Variants in CAMTA1 observed in about 807,000 individuals in gnomAD.
CAMTA1 encodes the protein calmodulin-binding transcription activator 1.
A neutral mutation model predicts 170.9 loss-of-function variants in CAMTA1; 27 were observed. The observed-to-expected ratio is 0.16, with a 90% CI of 0.12 to 0.22. CAMTA1 has a LOEUF of 0.22. Among genes scored for constraint, CAMTA1 ranks in the 10% least tolerant of loss-of-function variants. CAMTA1 has a pLI of 1.00. For synonymous variants in CAMTA1, 833 were observed against 891.5 expected, an observed-to-expected ratio of 0.93 and a Z score of 1.17; for missense variants, 1,619 against 2,217.2, an observed-to-expected ratio of 0.73 and a Z score of 5.42.
chr1:6,860,226 G>A (rs1664148909), intron 3 of CAMTA1, among the ~76,000 whole-genome samples: 1 of 152,096 alleles, frequency 6.6e-6, no homozygotes, highest in Non-Finnish European at 1.5e-5. Flanking sequence ...TGGCCTTGAT[G>A]GCATGTGTAC....
rs192861824 is a variant in CAMTA1, at chr1:7,681,306, A to G, written c.2914+3573A>G. Among the ~76,000 whole-genome samples, 11 of 152,334 alleles carry G rather than the reference A, an allele frequency of 7.2e-5. No homozygotes were observed. The East Asian group carries it at 1.9e-3, about 27-fold the overall frequency. On this transcript the variant is annotated intron_variant, in intron 11 of 22. Transcript: ENST00000303635. This position sits in a 1 kb window ranked among gnomAD's most constrained non-coding sequence, Gnocchi z 4.6. ...GCAGGAGGGACTGTCAAAAAGCTGA[A>G]TCCAACTAGTGGTAAGGAAGGTTTC...
In CAMTA1 at chr1:7,688,440, C is replaced by T. The variant is rs367873832; in HGVS notation, c.2914+10707C>T. On this transcript the variant is annotated intron_variant, in intron 11 of 22. Transcript: ENST00000303635. ...AGGGAATCTGGCTGGTCCAGGCCAGCAATGGGCTGACATCCTTAGCCTTTA... is the reference window on the plus strand; with the variant it reads ...AGGGAATCTGGCTGGTCCAGGCCAGTAATGGGCTGACATCCTTAGCCTTTA... 1.1e-4 allele frequency among the ~76,000 whole-genome samples: 16 copies of T among 152,140 alleles called. No homozygotes were observed. In the East Asian group the frequency reaches 2.5e-3, roughly 24 times the overall value.
rs58700688 is a variant in CAMTA1, at chr1:7,661,028, A to G, written c.665-698A>G. 3.3e-3 allele frequency among the ~76,000 whole-genome samples: 510 copies of G among 152,348 alleles called. 4 individuals are homozygous for G. The highest frequency in any genetic ancestry group is 0.012 in the African/African-American group (496 of 41,580). On this transcript the variant is annotated intron_variant, in intron 7 of 22. Transcript: ENST00000303635. Reference sequence around the variant, plus strand: ...CCCAATCCCAACTCCAGGAACTGCAAAAGTGCAGGGAGGAAGGTTGAGCCC... The same window carrying G: ...CCCAATCCCAACTCCAGGAACTGCAGAAGTGCAGGGAGGAAGGTTGAGCCC...
intron 7 of CAMTA1, among the ~76,000 whole-genome samples, chr1:7,656,076 C>T (rs1222897248): frequency 6.6e-6 from 1 of 152,238 alleles, no homozygotes; most frequent in Non-Finnish European, 1.5e-5. Flanking sequence ...TCACCAGGCA[C>T]TGGCAGCTTG....
intron 6 of CAMTA1, among the ~76,000 whole-genome samples, chr1:7,632,118 C>T (rs936566214): frequency 6.6e-6 from 1 of 152,232 alleles, no homozygotes; most frequent in Admixed American, 6.5e-5. Flanking sequence ...CTCCTACCCT[C>T]GTTGTTCATT....
rs1553247058 is a variant in CAMTA1 at position 7,680,842 on chromosome 1, A to ACGCGCGCGCGCGCG, written c.2914+3115_2914+3128dup. The stretch of plus-strand genomic sequence containing the variant: ...GGCGTGGGTCCGGGGCGCAGAGAAC[A>ACGCGCGCGCGCGCG]CGCGCGCGCGCGCGCGCGCCAGCAG... On this transcript the variant is annotated intron_variant, in intron 11 of 22. Coordinates refer to ENST00000303635, the MANE Select transcript of CAMTA1 (RefSeq NM_015215.4). The surrounding 1 kb of genome is among the most constrained non-coding windows in gnomAD (Gnocchi z 4.4). Among the ~76,000 whole-genome samples, 3 of 141,050 alleles carry ACGCGCGCGCGCGCG rather than the reference A, an allele frequency of 2.1e-5. No homozygotes were observed. Among genetic ancestry groups the ACGCGCGCGCGCGCG allele is most frequent in the Admixed American group, 7.0e-5 (1 of 14,346 alleles). 92.5% of individuals were successfully genotyped at this position (141,050 alleles called of 152,430 possible).
At chr1:6,789,742 G>A (rs11810702) in intron 1 of CAMTA1, among the ~76,000 whole-genome samples, 2,268 of 149,772 alleles carry the variant, frequency 0.015, 51 homozygotes, top group African/African-American at 0.052. Context: ...GGGGTGATGT[G>A]ACTTTGCTTG....
intron 3 of CAMTA1, among the ~76,000 whole-genome samples, chr1:6,933,148 C>G (rs1684706467): frequency 6.6e-6 from 1 of 152,010 alleles, no homozygotes; most frequent in Non-Finnish European, 1.5e-5. Flanking sequence ...CAGCCTCGAA[C>G]CCCTGACCTC....
chr1:7,493,861 G>C (rs1307720314), intron 6 of CAMTA1, among the ~76,000 whole-genome samples: 2 of 152,182 alleles, frequency 1.3e-5, no homozygotes, highest in Non-Finnish European at 2.9e-5. Flanking sequence ...CGTGGCACCT[G>C]TCGGGGGCGG....
intron 1 of CAMTA1, among the ~76,000 whole-genome samples, chr1:6,806,069 T>C (rs532830321): frequency 6.6e-6 from 1 of 152,304 alleles, no homozygotes; most frequent in Non-Finnish European, 1.5e-5. Flanking sequence ...CAGCTTCATT[T>C]TTTTGCATGT....
chr1:7,725,255 C>T (rs2096676907), intron 11 of CAMTA1, among the ~76,000 whole-genome samples: 1 of 152,172 alleles, frequency 6.6e-6, no homozygotes, highest in Admixed American at 6.5e-5. Flanking sequence ...GGAAAATAGA[C>T]TGCTTTAGAG....
intron 6 of CAMTA1, among the ~76,000 whole-genome samples, chr1:7,590,244 C>G (rs2095345402): frequency 6.6e-6 from 1 of 152,208 alleles, no homozygotes. Context: ...CATCAAGGCC[C>G]TGCTGCTGCT....
chr1:7,563,436 C>T (rs1299893433), intron 6 of CAMTA1, among the ~76,000 whole-genome samples: 1 of 152,216 alleles, frequency 6.6e-6, no homozygotes, highest in African/African-American at 2.4e-5. Flanking sequence ...TCGGTGGGAC[C>T]TGCTAGCAGC....
chr1:7,316,637 T>A (rs1677549452), intron 5 of CAMTA1, among the ~76,000 whole-genome samples: 1 of 152,226 alleles, frequency 6.6e-6, no homozygotes. Context: ...GATGTTTATA[T>A]GCCCAGCAAT....
At chr1:7,006,136 C>T (rs1156727578) in intron 3 of CAMTA1, among the ~76,000 whole-genome samples, 3 of 152,138 alleles carry the variant, frequency 2.0e-5, no homozygotes, top group Non-Finnish European at 4.4e-5. Flanking sequence ...GCTTCGTAGA[C>T]CTGCCCATAG....
At chr1:7,717,218 T>G (rs939591705) in intron 11 of CAMTA1, among the ~76,000 whole-genome samples, 2 of 152,096 alleles carry the variant, frequency 1.3e-5, no homozygotes, top group East Asian at 3.9e-4. Context: ...TGACTCGAGT[T>G]CATCATGATA....
At chr1:6,980,153 C>A (rs1473987923) in intron 3 of CAMTA1, among the ~76,000 whole-genome samples, 1 of 152,206 alleles carries the variant, frequency 6.6e-6, no homozygotes, top group East Asian at 1.9e-4. Context: ...AGCTGTGAGT[C>A]CTTTGCTCAC....
chr1:7,538,699 A>G (rs367617499), intron 6 of CAMTA1, among the ~76,000 whole-genome samples: 61 of 152,206 alleles, frequency 4.0e-4, no homozygotes, highest in African/African-American at 1.4e-3. Flanking sequence ...TCAGACCCCA[A>G]CAAACTGAGT....
chr1:7,402,479 T>G (rs2089975083), intron 5 of CAMTA1, among the ~76,000 whole-genome samples: 7 of 152,208 alleles, frequency 4.6e-5, no homozygotes, highest in Admixed American at 4.6e-4. Flanking sequence ...TGGGGTTAGA[T>G]ATCTGTCCCA....
Sources: allele counts gnomAD v4.1 joint callset (sites outside exome capture counted in the v4.1 genomes callset), GRCh38; gene constraint gnomAD v4.1.1; non-coding constraint Gnocchi (gnomAD v3.1); transcripts MANE v1.5; gene names NCBI Gene and HGNC (gene_info 2026-07-23, HGNC 2026-07-21).